FSTL5: variants seen among roughly 807,000 people sequenced by gnomAD.
FSTL5 encodes follistatin-related protein 5.
Under a neutral mutation model 89.1 loss-of-function variants are expected in FSTL5, and 62 were observed. The ratio of observed to expected loss-of-function variants is 0.70; its 90% CI spans 0.57 to 0.86. The LOEUF is 0.86. Ranked by LOEUF, FSTL5 falls within the 40% of genes least tolerant of loss-of-function variation. The pLI is 0.00. For synonymous variants in FSTL5, 383 were observed against 346.2 expected (o/e 1.11, Z -1.18); for missense variants, 1,057 against 1,001.6 (o/e 1.06, Z -0.75).
chr4:162,054,600 C>T (rs770244979), intron 2 of FSTL5, among the ~76,000 whole-genome samples: 3 of 151,964 alleles, frequency 2.0e-5, no homozygotes, highest in South Asian at 2.1e-4. Flanking sequence ...TTAATTCTCC[C>T]TGTTGAAAAT....
intron 7 of FSTL5, among the ~76,000 whole-genome samples, chr4:161,617,141 TAATA>T (rs886066694): frequency 1.8e-4 from 28 of 151,696 alleles, no homozygotes; most frequent in African/African-American, 6.5e-4. Context: ...GAAAAATAAA[TAATA>T]AATAAATATA....
intron 3 of FSTL5, among the ~76,000 whole-genome samples, chr4:162,012,977 A>G (rs1276762927): frequency 1.3e-5 from 2 of 152,122 alleles, no homozygotes; most frequent in East Asian, 3.9e-4. Context: ...TGAGGTCAGG[A>G]GTTCAAGACC....
At chr4:161,812,861 CAAG>C (rs1730198283) in intron 4 of FSTL5, among the ~76,000 whole-genome samples, 1 of 79,926 alleles carries the variant, frequency 1.3e-5, no homozygotes, top group Non-Finnish European at 2.3e-5. Context: ...TTTATCCAAA[CAAG>C]ATCCTAAATC....
At chr4:161,398,065 A>C (rs771217176) in intron 15 of FSTL5, among the ~76,000 whole-genome samples, 8 of 152,050 alleles carry the variant, frequency 5.3e-5, no homozygotes, top group Non-Finnish European at 1.2e-4. Flanking sequence ...TAGAAACGTA[A>C]TTGTTTTAGG....
chr4:161,892,556 T>C (rs1440173457), intron 4 of FSTL5, among the ~76,000 whole-genome samples: 1 of 152,096 alleles, frequency 6.6e-6, no homozygotes, highest in African/African-American at 2.4e-5. Context: ...TAGGTTCAAA[T>C]AAATGTTGAC....
intron 7 of FSTL5, among the ~76,000 whole-genome samples, chr4:161,632,600 C>T (rs1353909761): frequency 2.0e-5 from 3 of 152,092 alleles, no homozygotes; most frequent in Non-Finnish European, 4.4e-5. Context: ...ATAACTTGTG[C>T]ATTTAACTCT....
rs780100568 is a variant in FSTL5 at position 161,384,939 on chromosome 4, CCAGA to C, written c.*804_*807del. 3.3e-5 allele frequency: 5 copies of C among 152,004 alleles called. No homozygotes were observed. Among genetic ancestry groups the C allele is most frequent in the Non-Finnish European group, 7.4e-5 (5 of 67,970 alleles). The allele number at this position is 152,004 out of a possible 1,614,324, so 9.4% of individuals were successfully genotyped here. Reference sequence around the variant, plus strand: ...TAAACATCTGTAGGCAGTTGACATCCCAGACAAACTTGCATTAAAAACATAATGC... The same window carrying C: ...TAAACATCTGTAGGCAGTTGACATCCCAAACTTGCATTAAAAACATAATGC... On this transcript the variant is annotated 3_prime_UTR_variant, in exon 16 of 16. Coordinates refer to ENST00000306100, the MANE Select transcript of FSTL5 (RefSeq NM_020116.5).
At chr4:161,881,184 ATATT>A (rs934724520) in intron 4 of FSTL5, among the ~76,000 whole-genome samples, 1 of 148,774 alleles carries the variant, frequency 6.7e-6, no homozygotes, top group African/African-American at 2.4e-5. Context: ...TAATATTAAT[ATATT>A]TAACATTTTA....
chr4:161,506,477 T>C (rs1029225614), intron 11 of FSTL5, among the ~76,000 whole-genome samples: 1 of 152,164 alleles, frequency 6.6e-6, no homozygotes, highest in South Asian at 2.1e-4. Flanking sequence ...TTTGGTTACA[T>C]GATTAAGTTC....
chr4:161,918,444 A>G (rs1733897624), intron 4 of FSTL5, among the ~76,000 whole-genome samples: 1 of 152,162 alleles, frequency 6.6e-6, no homozygotes, highest in Admixed American at 6.5e-5. Flanking sequence ...TTAAGTAACA[A>G]TAGATCTCAT....
At chr4:161,438,704 A>T (rs1211630599) in intron 15 of FSTL5, among the ~76,000 whole-genome samples, 1 of 152,190 alleles carries the variant, frequency 6.6e-6, no homozygotes, top group Admixed American at 6.5e-5. Context: ...TTCAAAATTA[A>T]AATTAAATTG....
intron 6 of FSTL5, among the ~76,000 whole-genome samples, chr4:161,734,127 T>C (rs1739711103): frequency 6.6e-6 from 1 of 152,116 alleles, no homozygotes. Context: ...TACAAAAGCA[T>C]TTTAATAGGA....
chr4:161,584,932 G>C (rs751452911), intron 8 of FSTL5, among the ~76,000 whole-genome samples: 1 of 152,102 alleles, frequency 6.6e-6, no homozygotes, highest in African/African-American at 2.4e-5. Flanking sequence ...CTTGTACCTC[G>C]AAAAGGAAAA....
In FSTL5 at chr4:161,386,030, T is replaced by C; in HGVS notation, c.2261A>G (p.Tyr754Cys). 1.9e-6 allele frequency: 3 copies of C among 1,614,074 alleles called. No homozygotes were observed. Among genetic ancestry groups the C allele is most frequent in the Non-Finnish European group, 2.5e-6 (3 of 1,179,980 alleles). Reference sequence around the variant, plus strand: ...TGTGCTTGAACTACCGTAGATGTTATATTGGTGGGCTTCAGTAAAGGATGG... The same window carrying C: ...TGTGCTTGAACTACCGTAGATGTTACATTGGTGGGCTTCAGTAAAGGATGG... ...FQPSFTEAHQ[Y>C]NIYGSSSTQT... Residue 754 changes from tyrosine (Y) to cysteine (C), a missense_variant, in exon 16 of 16, where the codon TAT becomes TGT. Around this residue, in one of 3 missense-constraint regions of FSTL5, gnomAD observed 980 missense variants for 903.2 expected, o/e 1.08. Transcript: ENST00000306100.
chr4:161,756,192 T>A (rs1740561479), intron 6 of FSTL5, among the ~76,000 whole-genome samples: 1 of 150,780 alleles, frequency 6.6e-6, no homozygotes, highest in Non-Finnish European at 1.5e-5. Context: ...AAACATTATT[T>A]CCACTAAATG....
At chr4:161,666,555 A>G (rs1047848573) in intron 6 of FSTL5, among the ~76,000 whole-genome samples, 4 of 152,140 alleles carry the variant, frequency 2.6e-5, no homozygotes, top group Non-Finnish European at 2.9e-5. Context: ...AGAAGCTTAG[A>G]GTTATGACAT....
At chr4:162,057,665 C>T (rs1029997136) in intron 2 of FSTL5, among the ~76,000 whole-genome samples, 1 of 152,162 alleles carries the variant, frequency 6.6e-6, no homozygotes, top group African/African-American at 2.4e-5. Context: ...ATATTTCACC[C>T]GGGTGTGGTG....
At chr4:161,478,659 T>C (rs1420452935) in intron 13 of FSTL5, among the ~76,000 whole-genome samples, 3 of 152,036 alleles carry the variant, frequency 2.0e-5, no homozygotes, top group Non-Finnish European at 2.9e-5. Flanking sequence ...AGTATGAAAG[T>C]TGAAACAAGA....
intron 3 of FSTL5, among the ~76,000 whole-genome samples, chr4:161,998,515 C>A (rs989511667): frequency 6.6e-6 from 1 of 152,066 alleles, no homozygotes; most frequent in Non-Finnish European, 1.5e-5. Flanking sequence ...TAAAATCCTT[C>A]ACCTTTGTTT....
Sources: allele counts gnomAD v4.1 joint callset (sites outside exome capture counted in the v4.1 genomes callset), GRCh38; gene constraint gnomAD v4.1.1; regional missense constraint gnomAD v4.1.1; transcripts MANE v1.5; gene names NCBI Gene and HGNC (gene_info 2026-07-23, HGNC 2026-07-21).